UGP2: variants seen among roughly 807,000 people sequenced by gnomAD.
UGP2 encodes the protein UDP-glucose pyrophosphorylase 2, also known as UTP--glucose-1-phosphate uridylyltransferase.
A neutral mutation model predicts 49.0 loss-of-function variants in UGP2; 40 were observed. That is an observed-to-expected ratio of 0.82 (90% CI 0.63 to 1.06). UGP2 has a LOEUF of 1.06. Among genes scored for constraint, UGP2 ranks in the 50% least tolerant of loss-of-function variants. The pLI, the probability that UGP2 is intolerant of heterozygous loss-of-function variation, is 0.00. For missense variants in UGP2, 460 were observed against 603.5 expected (o/e 0.76, Z 2.49); for synonymous variants, 225 against 213.0 (o/e 1.06, Z -0.49).
At chr2:63,850,417 A>G (rs1575803390) in intron 1 of UGP2, among the ~76,000 whole-genome samples, 1 of 152,224 alleles carries the variant, frequency 6.6e-6, no homozygotes, top group African/African-American at 2.4e-5. Context: ...TTTAGTATGA[A>G]AAGATCATAT....
chr2:63,849,213 C>T (rs1668879953), intron 1 of UGP2, among the ~76,000 whole-genome samples: 1 of 152,220 alleles, frequency 6.6e-6, no homozygotes, highest in Non-Finnish European at 1.5e-5. Flanking sequence ...TGCTTAGTCT[C>T]CTTTTTACTT....
At chr2:63,865,487 G>C (rs1244935575) in intron 3 of UGP2, among the ~76,000 whole-genome samples, 1 of 151,304 alleles carries the variant, frequency 6.6e-6, no homozygotes, top group Non-Finnish European at 1.5e-5. Flanking sequence ...TCTACCTAGA[G>C]AGAATGAATA....
Position 63,884,284 on chromosome 2 carries a change from T to C in UGP2, c.575+191T>C, listed in dbSNP as rs1179447491. ...ATCACTCTGGTTCTCTAATTTCCAG[T>C]TCTTAAAATTCAGTCTGCTTGAGAC... On this transcript the variant is annotated intron_variant, in intron 5 of 9. Transcript: ENST00000337130. Among the ~76,000 whole-genome samples the C allele has an allele frequency of 3.9e-5, 6 of 152,224 alleles. No individual in the cohort carries two copies. In the East Asian group the frequency reaches 1.2e-3, roughly 29 times the overall value.
At chr2:63,861,824 G>A (rs925894851) in intron 3 of UGP2, among the ~76,000 whole-genome samples, 12 of 152,006 alleles carry the variant, frequency 7.9e-5, no homozygotes, top group South Asian at 2.1e-4. Flanking sequence ...AGAATAGCAT[G>A]CATCAATGTG....
At chr2:63,848,966 C>T (rs1441980934) in intron 1 of UGP2, among the ~76,000 whole-genome samples, 1 of 152,140 alleles carries the variant, frequency 6.6e-6, no homozygotes, top group Non-Finnish European at 1.5e-5. Flanking sequence ...ATCGATTGTG[C>T]CCCCAATCCA....
intron 3 of UGP2, among the ~76,000 whole-genome samples, chr2:63,861,702 A>C (rs1002188818): frequency 3.3e-5 from 5 of 151,408 alleles, no homozygotes; most frequent in African/African-American, 1.2e-4. Flanking sequence ...AAAAAAAAAA[A>C]ACAAAAAAAC....
chr2:63,876,813 ATTC>A (rs1398404515), intron 3 of UGP2, among the ~76,000 whole-genome samples: 1 of 152,222 alleles, frequency 6.6e-6, no homozygotes, highest in Non-Finnish European at 1.5e-5. Flanking sequence ...TGGTTTTTGA[ATTC>A]TTAATGTTGT....
In UGP2 at chr2:63,886,430, A is replaced by G. The variant is rs747412943; in HGVS notation, c.963A>G (p.Val321=). 1 of 1,614,090 alleles carries G rather than the reference A, an allele frequency of 6.2e-7. No individual in the cohort carries two copies. The highest frequency in any genetic ancestry group is 2.2e-5 in the East Asian group (1 of 44,904). ...CACATGTAGACGAGTTCAAGTCTGT[A>G]TCAAAGTTCAAAATATTTAATACAA... ...PKAHVDEFKS[V]SKFKIFNTNN... The change falls in exon 7 of 10, where the codon GTA becomes GTG. Residue 321 remains valine, a synonymous_variant. Coordinates refer to ENST00000337130, the MANE Select transcript of UGP2 (RefSeq NM_006759.4).
chr2:63,855,520 G>GTTTTTTTTTTTTTTTTTTTTTTTTTTTTT (rs372160888), intron 1 of UGP2: 6 of 194,312 alleles, frequency 3.1e-5, no homozygotes, highest in Non-Finnish European at 4.9e-5. Context: ...TTCTTTTTCT[G>GTTTTTTTTTTTTTTTTTTTTTTTTTTTTT]TTTTTTTTTT....
intron 1 of UGP2, chr2:63,855,484 TGCCAAA>T (rs1669329254): frequency 2.3e-6 from 1 of 436,500 alleles, no homozygotes; most frequent in Admixed American, 2.7e-5. Context: ...GGTATTTTTC[TGCCAAA>T]GTGTTTGGGT....
intron 9 of UGP2, among the ~76,000 whole-genome samples, chr2:63,890,417 A>C (rs1331887305): frequency 6.6e-6 from 1 of 152,228 alleles, no homozygotes; most frequent in African/African-American, 2.4e-5. Context: ...TGTACTGAAT[A>C]TAACCTATTA....
chr2:63,864,937 A>G (rs574163703), intron 3 of UGP2, among the ~76,000 whole-genome samples: 2 of 152,354 alleles, frequency 1.3e-5, no homozygotes, highest in East Asian at 1.9e-4. Flanking sequence ...GCTCTATTCT[A>G]GTGGGAGAGA....
In UGP2 at chr2:63,862,978, AGTCATCTACCTTT is replaced by A. The variant is rs909031538; in HGVS notation, c.255+5046_255+5058del. On this transcript the variant is annotated intron_variant, in intron 3 of 9. Coordinates refer to ENST00000337130, the MANE Select transcript of UGP2 (RefSeq NM_006759.4). ...GTTAGCATACCTTTCCAGCTCCCTG[AGTCATCTACCTTT>A]GTCCTTTCTAATCATACTAAAGTGG... 66 of 406,528 alleles carry A rather than the reference AGTCATCTACCTTT, an allele frequency of 1.6e-4. 1 individual carries two copies. The East Asian group carries it at 4.6e-3, about 28-fold the overall frequency. The allele number at this position is 406,528 out of a possible 1,614,324, so 25.2% of individuals were successfully genotyped here. A position where few individuals can be genotyped will look rare whatever the true frequency, so the allele number is the denominator to read the frequency against.
At position 63,841,914 on chromosome 2, in the gene UGP2, C is replaced by A; in HGVS notation, c.-272C>A. ...CTTTTCCGGGAGTCTCCAGCTGGCC[C>A]TCATTTGTGTCCGGAGCTCAGGAGT... On this transcript the variant is annotated 5_prime_UTR_variant, in exon 1 of 10. Transcript: ENST00000337130. The A allele has an allele frequency of 2.5e-6, 1 of 407,508 alleles. No individual in the cohort carries two copies. Among genetic ancestry groups the A allele is most frequent in the South Asian group, 5.7e-5 (1 of 17,428 alleles). The allele number at this position is 407,508 out of a possible 1,614,324, so 25.2% of individuals were successfully genotyped here.
chr2:63,890,511 G>GAAAT (rs769089573), intron 9 of UGP2, among the ~76,000 whole-genome samples: 12 of 152,044 alleles, frequency 7.9e-5, no homozygotes, highest in Admixed American at 4.6e-4. Flanking sequence ...CCTCACGTAA[G>GAAAT]AAATAGGAGG....
At chr2:63,851,986 C>CT (rs1040420686) in intron 1 of UGP2, among the ~76,000 whole-genome samples, 15 of 152,078 alleles carry the variant, frequency 9.9e-5, no homozygotes, top group African/African-American at 3.6e-4. Flanking sequence ...TCATGTATGT[C>CT]TTTTTTCAGT....
At chr2:63,876,829 G>A (rs920094595) in intron 3 of UGP2, among the ~76,000 whole-genome samples, 5 of 152,204 alleles carry the variant, frequency 3.3e-5, no homozygotes, top group Non-Finnish European at 5.9e-5. Context: ...AATGTTGTCC[G>A]TGGATCAGCT....
At position 63,885,750 on chromosome 2, in the gene UGP2, A is replaced by G; in HGVS notation, c.737A>G (p.Tyr246Cys). 1.9e-6 allele frequency: 3 copies of G among 1,614,062 alleles called. No individual in the cohort carries two copies. The highest frequency in any genetic ancestry group is 2.5e-6 in the Non-Finnish European group (3 of 1,179,986). ...ACCTTTATAGGAGAAGGCAAAGAGT[A>G]TATTTTTGTGTCTAACATAGATAAT... ...LDTFIGEGKE[Y>C]IFVSNIDNLG... The change falls in exon 6 of 10, where the codon TAT (tyrosine) becomes TGT (cysteine). Residue 246 changes from tyrosine to cysteine, a missense_variant. By Grantham distance (194) the Tyr-to-Cys change is radical. This residue lies in a region of UGP2 where 317 missense variants were observed against 473.0 expected (regional missense o/e 0.67). Transcript: ENST00000337130.
At chr2:63,873,373 G>A (rs923501164) in intron 3 of UGP2, among the ~76,000 whole-genome samples, 2 of 152,116 alleles carry the variant, frequency 1.3e-5, no homozygotes, top group Admixed American at 6.5e-5. Flanking sequence ...TACTCTATTT[G>A]CACATTAATT....
Sources: allele counts gnomAD v4.1 joint callset (sites outside exome capture counted in the v4.1 genomes callset), GRCh38; gene constraint gnomAD v4.1.1; regional missense constraint gnomAD v4.1.1; transcripts MANE v1.5; gene names NCBI Gene and HGNC (gene_info 2026-07-23, HGNC 2026-07-21).